Variants in FILIP1L observed in about 807,000 individuals in gnomAD.
The protein encoded by FILIP1L is filamin A-interacting protein 1-like.
Under a neutral mutation model 96.6 loss-of-function variants are expected in FILIP1L, and 55 were observed. The observed-to-expected ratio is 0.57, with a 90% CI of 0.46 to 0.71. The LOEUF is 0.71. Among genes scored for constraint, FILIP1L ranks in the 30% least tolerant of loss-of-function variants. FILIP1L has a pLI of 0.00. For synonymous variants in FILIP1L, 467 were observed against 473.9 expected (o/e 0.99, Z 0.19); for missense variants, 1,304 against 1,321.2 (o/e 0.99, Z 0.20).
chr3:99,947,537 G>A (rs909540740), intron 1 of FILIP1L, among the ~76,000 whole-genome samples: 7 of 152,118 alleles, frequency 4.6e-5, no homozygotes, highest in Non-Finnish European at 7.4e-5. Flanking sequence ...CCTTGACTTT[G>A]TCTGGACTTC....
At chr3:99,966,296 G>A (rs1274727619) in intron 1 of FILIP1L, among the ~76,000 whole-genome samples, 1 of 152,050 alleles carries the variant, frequency 6.6e-6, no homozygotes, top group Non-Finnish European at 1.5e-5. Context: ...AGATCTCCTG[G>A]GGCAAAGCAG....
intron 1 of FILIP1L, among the ~76,000 whole-genome samples, chr3:100,103,049 G>A (rs1374612925): frequency 6.6e-6 from 1 of 152,222 alleles, no homozygotes; most frequent in Admixed American, 6.5e-5. Context: ...ACTAAGTGCT[G>A]TAAAAATGAA....
intron 4 of FILIP1L, among the ~76,000 whole-genome samples, chr3:99,878,366 T>C (rs1705608591): frequency 6.6e-6 from 1 of 152,250 alleles, no homozygotes; most frequent in Non-Finnish European, 1.5e-5. Context: ...GATAAAGACA[T>C]TTAGAAGGCT....
chr3:100,002,127 C>T (rs1411448052), intron 1 of FILIP1L, among the ~76,000 whole-genome samples: 1 of 152,174 alleles, frequency 6.6e-6, no homozygotes, highest in East Asian at 1.9e-4. Flanking sequence ...TGGGACTGAC[C>T]ACCTCCTGTA....
intron 1 of FILIP1L, among the ~76,000 whole-genome samples, chr3:99,938,163 T>G (rs1011318939): frequency 4.6e-5 from 7 of 152,116 alleles, no homozygotes; most frequent in Non-Finnish European, 5.9e-5. Flanking sequence ...TCCATTTAAT[T>G]TCACTGAATT....
At chr3:99,851,434 C>T (rs1245222800) in intron 4 of FILIP1L, among the ~76,000 whole-genome samples, 1 of 152,192 alleles carries the variant, frequency 6.6e-6, no homozygotes. Context: ...GGCTTCAAGG[C>T]CGACCCTACT....
intron 1 of FILIP1L, among the ~76,000 whole-genome samples, chr3:100,019,321 C>G (rs2064762336): frequency 6.6e-6 from 1 of 152,112 alleles, no homozygotes; most frequent in African/African-American, 2.4e-5. Context: ...GATCATGCCA[C>G]TGCACTCCAG....
chr3:100,107,687 G>A (rs1221190519), intron 1 of FILIP1L, among the ~76,000 whole-genome samples: 2 of 152,026 alleles, frequency 1.3e-5, no homozygotes, highest in African/African-American at 4.8e-5. Flanking sequence ...ATTCTCCCAA[G>A]GTAGTATTAC....
chr3:100,111,067 G>A (rs572572030), intron 1 of FILIP1L, among the ~76,000 whole-genome samples: 13 of 152,018 alleles, frequency 8.6e-5, no homozygotes, highest in Admixed American at 3.9e-4. Context: ...AGCCCAGTTC[G>A]CCATATTCTA....
At chr3:99,937,262 A>G (rs752431255) in intron 1 of FILIP1L, among the ~76,000 whole-genome samples, 13 of 152,176 alleles carry the variant, frequency 8.5e-5, no homozygotes, top group Non-Finnish European at 1.0e-4. Context: ...ATGTGGACCA[A>G]TCTCCAATTT....
intron 1 of FILIP1L, among the ~76,000 whole-genome samples, chr3:100,067,653 A>G (rs1403672226): frequency 6.6e-6 from 1 of 152,230 alleles, no homozygotes; most frequent in Non-Finnish European, 1.5e-5. Flanking sequence ...AGATGATTCA[A>G]TTTTCAGTAG....
At chr3:99,858,004 A>G (rs996437748) in intron 4 of FILIP1L, among the ~76,000 whole-genome samples, 3 of 152,162 alleles carry the variant, frequency 2.0e-5, no homozygotes, top group Non-Finnish European at 4.4e-5. Context: ...AAGAAAAAGG[A>G]GATAGTTCCA....
chr3:99,985,590 A>G (rs1346400542), intron 1 of FILIP1L, among the ~76,000 whole-genome samples: 2 of 151,110 alleles, frequency 1.3e-5, no homozygotes, highest in Non-Finnish European at 3.0e-5. Flanking sequence ...AATCATGAGA[A>G]AAGCTTTTTT....
chr3:100,073,251 A>T (rs753182088), intron 1 of FILIP1L, among the ~76,000 whole-genome samples: 1 of 152,136 alleles, frequency 6.6e-6, no homozygotes, highest in Non-Finnish European at 1.5e-5. Flanking sequence ...TCATTTATTT[A>T]TATATTATCT....
chr3:99,944,337 AC>A (rs1214425076), intron 1 of FILIP1L, among the ~76,000 whole-genome samples: 1 of 152,206 alleles, frequency 6.6e-6, no homozygotes, highest in Non-Finnish European at 1.5e-5. Context: ...ACATGAAATG[AC>A]TTCTTGGTCC....
chr3:99,843,633 C>T (rs1384739459), intron 5 of FILIP1L, among the ~76,000 whole-genome samples: 2 of 152,184 alleles, frequency 1.3e-5, no homozygotes, highest in Non-Finnish European at 2.9e-5. Context: ...AATATCATGG[C>T]TTTGCCTAGC....
At chr3:99,993,937 G>A (rs1378323034) in intron 1 of FILIP1L, among the ~76,000 whole-genome samples, 1 of 152,072 alleles carries the variant, frequency 6.6e-6, no homozygotes, top group Non-Finnish European at 1.5e-5. Context: ...ATAGTTTTCA[G>A]TGTGTGTCCT....
At position 99,849,527 on chromosome 3, in the gene FILIP1L, T is replaced by C. The variant is rs1943552286; in HGVS notation, c.2149A>G (p.Arg717Gly). Residue 717 changes from arginine to glycine, a missense_variant, in exon 5 of 6, where the codon AGA becomes GGA. Arg to Gly is a moderately radical substitution (Grantham distance 125). Transcript: ENST00000477258. Reference protein sequence around the residue: ...EEEAKSGHLSREVDALKEKIH... With the variant: ...EEEAKSGHLSGEVDALKEKIH... The stretch of plus-strand genomic sequence containing the variant: ...TTCTCTTTTAATGCATCCACTTCTC[T>C]TGAGAGGTGCCCTGACTTAGCTTCT... 1 of 1,613,320 alleles carries C rather than the reference T, an allele frequency of 6.2e-7. No individual in the cohort carries two copies. Among genetic ancestry groups the C allele is most frequent in the Admixed American group, 1.7e-5 (1 of 59,856 alleles).
intron 1 of FILIP1L, among the ~76,000 whole-genome samples, chr3:100,005,372 T>A (rs1709958891): frequency 6.6e-6 from 1 of 152,176 alleles, no homozygotes; most frequent in South Asian, 2.1e-4. Flanking sequence ...GGATGGGATC[T>A]CAGAGTGGGG....
Sources: gnomAD v4.1 joint callset for allele counts (sites outside exome capture counted in the v4.1 genomes callset) on GRCh38, gnomAD v4.1.1 for gene constraint, MANE v1.5 for transcripts, NCBI Gene and HGNC (gene_info 2026-07-23, HGNC 2026-07-21) for gene names.